TTLL5: variants seen among roughly 807,000 people sequenced by gnomAD.
TTLL5 encodes tubulin polyglutamylase TTLL5.
Under a neutral mutation model 168.4 loss-of-function variants are expected in TTLL5, and 132 were observed. That is an observed-to-expected ratio of 0.78 (90% confidence interval 0.68 to 0.91). The LOEUF (loss-of-function observed/expected upper bound fraction) is 0.91, where lower values mean the gene tolerates loss of function less well. Ranked by LOEUF, TTLL5 falls within the 40% of genes least tolerant of loss-of-function variation. TTLL5 has a pLI of 0.00. For synonymous variants in TTLL5, 546 were observed against 558.6 expected (o/e 0.98, Z 0.32); for missense variants, 1,545 against 1,581.5 (o/e 0.98, Z 0.39).
intron 30 of TTLL5, chr14:75,887,198 T>C (rs1372655235): frequency 4.0e-6 from 4 of 996,124 alleles, no homozygotes; most frequent in Non-Finnish European, 4.8e-6. Flanking sequence ...TAGCACCAAA[T>C]CCCAATTAAT....
intron 3 of TTLL5, among the ~76,000 whole-genome samples, chr14:75,677,996 A>G (rs930109422): frequency 6.6e-6 from 1 of 151,698 alleles, no homozygotes; most frequent in Non-Finnish European, 1.5e-5. Flanking sequence ...CACACACCTT[A>G]CTGATCACCT....
chr14:75,688,711 A>G (rs946979227), intron 5 of TTLL5, among the ~76,000 whole-genome samples: 5 of 152,122 alleles, frequency 3.3e-5, no homozygotes, highest in African/African-American at 7.2e-5. Context: ...GAATTAGAGG[A>G]CACCCACTGC....
intron 3 of TTLL5, among the ~76,000 whole-genome samples, chr14:75,669,819 A>T (rs1464736985): frequency 6.6e-6 from 1 of 152,120 alleles, no homozygotes; most frequent in Non-Finnish European, 1.5e-5. Context: ...TGTTTAGTAC[A>T]TTCACAATGT....
At chr14:75,757,370 T>C (rs908088940) in intron 18 of TTLL5, among the ~76,000 whole-genome samples, 1 of 152,180 alleles carries the variant, frequency 6.6e-6, no homozygotes, top group African/African-American at 2.4e-5. Context: ...TTTCTTTTCC[T>C]AAAACAGTTC....
At chr14:75,873,959 A>G (rs1208906466) in intron 29 of TTLL5, among the ~76,000 whole-genome samples, 1 of 152,232 alleles carries the variant, frequency 6.6e-6, no homozygotes, top group Non-Finnish European at 1.5e-5. Context: ...CACATTTTTA[A>G]AACTAATAGT....
At chr14:75,817,540 G>A (rs1419950092) in intron 27 of TTLL5, among the ~76,000 whole-genome samples, 4 of 152,100 alleles carry the variant, frequency 2.6e-5, no homozygotes, top group African/African-American at 9.7e-5. Flanking sequence ...AACTAGGAAT[G>A]AAACACTATA....
In TTLL5 at chr14:75,837,835, C is replaced by A. The variant is rs139730951; in HGVS notation, c.3326+17674C>A. Among the ~76,000 whole-genome samples the A allele has an allele frequency of 1.6e-3, 238 of 152,058 alleles. 1 individual carries two copies. Among genetic ancestry groups the A allele is most frequent in the African/African-American group, 5.4e-3 (222 of 41,472 alleles). On this transcript the variant is annotated intron_variant, in intron 28 of 31. Transcript: ENST00000298832. Reference sequence around the variant, plus strand: ...ATTAAACATATATATATGTGTATATCTAGATATATGTGTGTGTGTATGGGA... The same window carrying A: ...ATTAAACATATATATATGTGTATATATAGATATATGTGTGTGTGTATGGGA...
At chr14:75,766,445 G>T in intron 20 of TTLL5, 77 bp downstream of exon 20, 1 of 1,297,708 alleles carries the variant, frequency 7.7e-7, no homozygotes, top group South Asian at 1.5e-5. Context: ...TATTTTAGTG[G>T]TTTTACAGTC....
chr14:75,932,960 A>G (rs979528592), intron 31 of TTLL5, among the ~76,000 whole-genome samples: 1 of 152,230 alleles, frequency 6.6e-6, no homozygotes, highest in East Asian at 1.9e-4. Flanking sequence ...TTTGACAGAA[A>G]AGTACACTGA....
intron 28 of TTLL5, among the ~76,000 whole-genome samples, chr14:75,824,271 A>T (rs766997839): frequency 6.6e-6 from 1 of 152,220 alleles, no homozygotes; most frequent in Non-Finnish European, 1.5e-5. Flanking sequence ...TTTTGAAGAC[A>T]TAATGTTTGA....
At chr14:75,951,346 C>T (rs775243326) in intron 31 of TTLL5, among the ~76,000 whole-genome samples, 2 of 151,914 alleles carry the variant, frequency 1.3e-5, no homozygotes, top group Non-Finnish European at 2.9e-5. Context: ...AAGACAGTCT[C>T]GAAAATAAAT....
At chr14:75,688,764 C>T (rs771645093) in intron 5 of TTLL5, among the ~76,000 whole-genome samples, 4 of 152,194 alleles carry the variant, frequency 2.6e-5, no homozygotes, top group Non-Finnish European at 5.9e-5. Flanking sequence ...CATTTGGTGT[C>T]TAAAGTGTTG....
intron 31 of TTLL5, among the ~76,000 whole-genome samples, chr14:75,923,693 TG>T (rs770377714): frequency 1.2e-4 from 19 of 152,234 alleles, no homozygotes; most frequent in Non-Finnish European, 2.5e-4. Flanking sequence ...TCTGTTGATA[TG>T]GGATGGAGAG....
intron 27 of TTLL5, among the ~76,000 whole-genome samples, chr14:75,802,048 T>A (rs984823386): frequency 6.6e-6 from 1 of 152,172 alleles, no homozygotes; most frequent in Non-Finnish European, 1.5e-5. Flanking sequence ...CGATTCTTAT[T>A]TTCTGTTTGT....
At chr14:75,699,312 C>T (rs1166189381) in intron 7 of TTLL5, 42 bp downstream of exon 7, 3 of 1,516,532 alleles carry the variant, frequency 2.0e-6, no homozygotes, top group Admixed American at 1.7e-5. Flanking sequence ...CTCACTTGTT[C>T]TTTCCTCCTT....
intron 27 of TTLL5, among the ~76,000 whole-genome samples, chr14:75,797,421 G>T (rs1186070982): frequency 6.6e-6 from 1 of 151,994 alleles, no homozygotes; most frequent in Non-Finnish European, 1.5e-5. Flanking sequence ...TCTCTTGTCT[G>T]ATTGCTTTGG....
chr14:75,897,455 ATTTTAT>A (rs1031805009), intron 30 of TTLL5, among the ~76,000 whole-genome samples: 3 of 151,800 alleles, frequency 2.0e-5, no homozygotes, highest in Non-Finnish European at 4.4e-5. Context: ...TTTTTATTTT[ATTTTAT>A]TTTTATTTAT....
At chr14:75,837,905 C>T (rs533327175) in intron 28 of TTLL5, among the ~76,000 whole-genome samples, 1 of 152,078 alleles carries the variant, frequency 6.6e-6, no homozygotes, top group Admixed American at 6.5e-5. Flanking sequence ...ACACACACTA[C>T]ATTTTGTTTA....
chr14:75,683,754 T>G, intron 5 of TTLL5, 98 bp downstream of exon 5: 1 of 954,796 alleles, frequency 1.0e-6, no homozygotes, highest in Non-Finnish European at 1.6e-6. Flanking sequence ...AAGAGGAAGA[T>G]GAAAATGAAG....
Sources: allele counts gnomAD v4.1 joint callset (sites outside exome capture counted in the v4.1 genomes callset), GRCh38; gene constraint gnomAD v4.1.1; transcripts MANE v1.5; gene names NCBI Gene and HGNC (gene_info 2026-07-23, HGNC 2026-07-21).